The following SVIL variants were observed in gnomAD, a reference collection of about 807,000 sequenced individuals.
SVIL encodes supervillin, also known as archvillin.
Under a neutral mutation model 240.4 loss-of-function variants are expected in SVIL, and 101 were observed. The observed-to-expected ratio is 0.42, with a 90% confidence interval of 0.36 to 0.50. SVIL has a LOEUF of 0.50. SVIL is among the 20% of genes least tolerant of loss of function. SVIL has a pLI of 0.01. For synonymous variants in SVIL, 999 were observed against 1,100.0 expected (o/e 0.91, Z 1.82); for missense variants, 2,512 against 2,818.7 (o/e 0.89, Z 2.46).
Position 29,665,605 on chromosome 10 carries a change from C to A in SVIL, c.-300-7537G>T, listed in dbSNP as rs182868662. 9.5e-3 allele frequency among the ~76,000 whole-genome samples: 1,443 copies of A among 152,080 alleles called. 14 individuals carry two copies. The highest frequency in any genetic ancestry group is 0.015 in the Non-Finnish European group (993 of 67,986). Reference sequence around the variant, plus strand: ...GGTCAGGAGATCGAGACCATCCTGGCTAACAAAATGAAACCCCATCTCTAC... The same window carrying A: ...GGTCAGGAGATCGAGACCATCCTGGATAACAAAATGAAACCCCATCTCTAC... On this transcript the variant is annotated intron_variant, in intron 2 of 35. Transcript: ENST00000375400.
Position 29,508,229 on chromosome 10 carries a change from T to C in SVIL, c.3516+4506A>G, listed in dbSNP as rs1357264383. 11 of 560,918 alleles carry C rather than the reference T, an allele frequency of 2.0e-5. No individual in the cohort carries two copies. In the East Asian group the frequency reaches 7.6e-4, roughly 39 times the overall value. The allele number at this position is 560,918 out of a possible 1,614,324, so 34.7% of individuals were successfully genotyped here. On this transcript the variant is annotated intron_variant, in intron 17 of 37. Transcript: ENST00000355867. The stretch of plus-strand genomic sequence containing the variant: ...ACAAAGGCTGTGTCTGGTCTGGAGA[T>C]AAGAAAAGCACCAGGGAGGGTGCAC...
chr10:29,554,537 G>A (rs569290475), intron 5 of SVIL, among the ~76,000 whole-genome samples: 45 of 152,164 alleles, frequency 3.0e-4, no homozygotes, highest in African/African-American at 1.0e-3. Context: ...TGTAGTCCCA[G>A]CAACTCAGGA....
chr10:29,690,038 T>C (rs1320622343), intron 1 of SVIL, among the ~76,000 whole-genome samples: 1 of 152,190 alleles, frequency 6.6e-6, no homozygotes, highest in East Asian at 1.9e-4. Context: ...ATTTTAGTAT[T>C]TAAAAATCTA....
chr10:29,498,473 G>A (rs1948629391), intron 18 of SVIL, among the ~76,000 whole-genome samples: 1 of 152,156 alleles, frequency 6.6e-6, no homozygotes, highest in African/African-American at 2.4e-5. Context: ...GATTTGAACT[G>A]CTTTTGAAAC....
intron 18 of SVIL, among the ~76,000 whole-genome samples, chr10:29,495,771 T>G (rs562028917): frequency 6.6e-6 from 1 of 152,242 alleles, no homozygotes; most frequent in Admixed American, 6.5e-5. Flanking sequence ...TTTCCTAGTA[T>G]ATTTACCGAG....
At chr10:29,547,026 A>G (rs1952757559) in intron 6 of SVIL, among the ~76,000 whole-genome samples, 1 of 152,102 alleles carries the variant, frequency 6.6e-6, no homozygotes, top group South Asian at 2.1e-4. Context: ...TGACATTATT[A>G]TTTTCATATA....
chr10:29,610,448 ATTTTTTT>A (rs113668853), intron 1 of SVIL, among the ~76,000 whole-genome samples: 4 of 137,206 alleles, frequency 2.9e-5, no homozygotes, highest in East Asian at 2.2e-4. Context: ...TTCACTCTGC[ATTTTTTT>A]TTTTTTTTTT....
rs184993283 is a variant in SVIL, at chr10:29,604,850, C to T, written c.-201+29570G>A. On this transcript the variant is annotated intron_variant, in intron 1 of 37. Transcript: ENST00000355867. ...TCCCAAAATGCTGGGGTTATAGCCCCGAGCCACTGCACCTGGCCTAATTTA... is the reference window on the plus strand; with the variant it reads ...TCCCAAAATGCTGGGGTTATAGCCCTGAGCCACTGCACCTGGCCTAATTTA... 3.3e-3 allele frequency among the ~76,000 whole-genome samples: 502 copies of T among 152,112 alleles called. 14 individuals carry two copies. In the South Asian group the frequency reaches 0.072, roughly 22 times the overall value.
At chr10:29,463,455 C>A in intron 35 of SVIL, 37 bp downstream of exon 35, 1 of 1,599,814 alleles carries the variant, frequency 6.3e-7, no homozygotes, top group Non-Finnish European at 8.5e-7. Context: ...GCTTCCCCAT[C>A]TGTTCCGTGC....
At chr10:29,679,057 T>A (rs900286831) in intron 2 of SVIL, among the ~76,000 whole-genome samples, 1 of 152,034 alleles carries the variant, frequency 6.6e-6, no homozygotes, top group African/African-American at 2.4e-5. Context: ...AATGCAAAAT[T>A]AGCCTGGCAT....
chr10:29,671,293 A>G (rs1052798009), intron 2 of SVIL, among the ~76,000 whole-genome samples: 3 of 152,204 alleles, frequency 2.0e-5, no homozygotes, highest in African/African-American at 7.2e-5. Context: ...GCCCCGGGAT[A>G]GATGCCTTCA....
intron 12 of SVIL, among the ~76,000 whole-genome samples, chr10:29,529,175 C>CAAAAAAAAAAAAAAA (rs66523560): frequency 1.7e-3 from 109 of 66,024 alleles, no homozygotes; most frequent in East Asian, 4.1e-3. Context: ...GACTCTCTCT[C>CAAAAAAAAAAAAAAA]AAAAAAAAAA....
At chr10:29,692,979 G>C (rs887370816) in intron 1 of SVIL, among the ~76,000 whole-genome samples, 1 of 152,124 alleles carries the variant, frequency 6.6e-6, no homozygotes, top group African/African-American at 2.4e-5. Flanking sequence ...GGAACGCTAA[G>C]CTTGTGGGAG....
intron 1 of SVIL, among the ~76,000 whole-genome samples, chr10:29,719,525 C>T (rs549336538): frequency 1.1e-4 from 17 of 152,146 alleles, no homozygotes; most frequent in African/African-American, 2.4e-4. Context: ...CAACCCACAA[C>T]GAGGAGCAAT....
At chr10:29,542,994 G>A (rs1430428222) in intron 6 of SVIL, among the ~76,000 whole-genome samples, 1 of 152,128 alleles carries the variant, frequency 6.6e-6, no homozygotes, top group African/African-American at 2.4e-5. Flanking sequence ...GGAAACTCAC[G>A]ATATGATAAT....
chr10:29,646,551 G>A (rs1958664613), intron 3 of SVIL, among the ~76,000 whole-genome samples: 2 of 152,146 alleles, frequency 1.3e-5, no homozygotes, highest in South Asian at 2.1e-4. Flanking sequence ...ATGGCCAAGT[G>A]GGCAAGTTCA....
At chr10:29,518,833 G>A (rs918136479) in intron 16 of SVIL, among the ~76,000 whole-genome samples, 6 of 152,248 alleles carry the variant, frequency 3.9e-5, no homozygotes, top group African/African-American at 9.6e-5. Flanking sequence ...TCCAGCCTGG[G>A]TGACAGAGCG....
intron 1 of SVIL, among the ~76,000 whole-genome samples, chr10:29,729,493 G>A (rs1033749603): frequency 2.6e-4 from 32 of 123,492 alleles, no homozygotes; most frequent in African/African-American, 9.4e-4. Context: ...GTGTGTGTGT[G>A]TGTATGTATG....
At chr10:29,701,153 C>A (rs1373757443) in intron 1 of SVIL, among the ~76,000 whole-genome samples, 1 of 152,138 alleles carries the variant, frequency 6.6e-6, no homozygotes, top group Non-Finnish European at 1.5e-5. Flanking sequence ...ACCCCACCCA[C>A]CCCTCACTGC....
Sources: gnomAD v4.1 joint callset for allele counts (sites outside exome capture counted in the v4.1 genomes callset) on GRCh38, gnomAD v4.1.1 for gene constraint, MANE v1.5 for transcripts, NCBI Gene and HGNC (gene_info 2026-07-23, HGNC 2026-07-21) for gene names.